GRIK1: variants seen among roughly 807,000 people sequenced by gnomAD.
GRIK1 encodes glutamate receptor ionotropic, kainate 1.
A neutral mutation model predicts 105.7 loss-of-function variants in GRIK1; 69 were observed. The ratio of observed to expected loss-of-function variants is 0.65; its 90% confidence interval spans 0.54 to 0.80. The LOEUF is 0.80. Ranked by LOEUF, GRIK1 falls within the 30% of genes least tolerant of loss-of-function variation. The probability of loss-of-function intolerance (pLI) is 0.00; values close to 1 mark genes in which losing one functional copy is unlikely to be tolerated. For synonymous variants in GRIK1, 438 were observed against 431.3 expected (o/e 1.02, Z -0.19); for missense variants, 1,109 against 1,167.3 (o/e 0.95, Z 0.73).
intron 4 of GRIK1, among the ~76,000 whole-genome samples, chr21:29,670,147 T>C (rs895113521): frequency 7.2e-5 from 11 of 152,186 alleles, no homozygotes; most frequent in South Asian, 4.1e-4. Context: ...AGGGTTCTTA[T>C]CTCCAAAATA....
intron 1 of GRIK1, among the ~76,000 whole-genome samples, chr21:29,846,735 T>C (rs1473336130): frequency 6.6e-6 from 1 of 152,196 alleles, no homozygotes; most frequent in Non-Finnish European, 1.5e-5. Flanking sequence ...CTTTTTGTTA[T>C]CCTGTTTGAT....
intron 2 of GRIK1, among the ~76,000 whole-genome samples, chr21:29,690,864 G>T (rs2063571870): frequency 3.9e-5 from 6 of 151,914 alleles, no homozygotes. Context: ...TTAATATTTG[G>T]GAAAATTAGA....
chr21:29,676,404 T>C (rs992559491), intron 3 of GRIK1, among the ~76,000 whole-genome samples: 1 of 152,232 alleles, frequency 6.6e-6, no homozygotes, highest in African/African-American at 2.4e-5. Context: ...GAATTTACAA[T>C]TCAAAAAGCA....
At position 29,696,867 on chromosome 21, in the gene GRIK1, G is replaced by C. The variant is rs369062993; in HGVS notation, c.119-2804C>G. ...TACCTGAATAGGAAACAGAAATTCTGAATTTTGAAACCTGATCTACCTACT... is the reference window on the plus strand; with the variant it reads ...TACCTGAATAGGAAACAGAAATTCTCAATTTTGAAACCTGATCTACCTACT... On this transcript the variant is annotated intron_variant, in intron 1 of 17. Coordinates refer to ENST00000327783, the MANE Select transcript of GRIK1 (RefSeq NM_001330994.2). Among the ~76,000 whole-genome samples the C allele has an allele frequency of 3.0e-3, 451 of 152,272 alleles. 2 individuals are homozygous for C. Among genetic ancestry groups the C allele is most frequent in the African/African-American group, 0.011 (440 of 41,562 alleles).
chr21:29,643,003 C>T lies in GRIK1; in HGVS notation c.955-34G>A, dbSNP rs778845114. 3.1e-6 allele frequency: 5 copies of T among 1,603,290 alleles called. No homozygotes were observed. In the Admixed American group the frequency reaches 6.7e-5, roughly 22 times the overall value. On this transcript the variant is annotated intron_variant, in intron 6 of 17. Transcript: ENST00000327783. ...GAAAACACACACCGCATCTTAAATTCCACTTTTGCTTACCTTCCTTTACTT... is the reference window on the plus strand; with the variant it reads ...GAAAACACACACCGCATCTTAAATTTCACTTTTGCTTACCTTCCTTTACTT...
chr21:29,555,347 A>T (rs2090225463), intron 15 of GRIK1, 45 bp from the exon 16 acceptor site: 1 of 1,559,160 alleles, frequency 6.4e-7, no homozygotes, highest in African/African-American at 1.4e-5. Flanking sequence ...AATGTTGAAG[A>T]AGACATCCAG....
At chr21:29,570,643 G>C (rs2090722129) in intron 14 of GRIK1, among the ~76,000 whole-genome samples, 1 of 152,124 alleles carries the variant, frequency 6.6e-6, no homozygotes, top group South Asian at 2.1e-4. Flanking sequence ...ATCTCCAACA[G>C]TACCTGAACA....
intron 1 of GRIK1, among the ~76,000 whole-genome samples, chr21:29,933,884 A>C (rs1602086935): frequency 6.6e-6 from 1 of 152,192 alleles, no homozygotes; most frequent in Non-Finnish European, 1.5e-5. Context: ...GGAAAATTTT[A>C]GAACATAAAT....
chr21:29,695,198 T>C (rs1202342455), intron 1 of GRIK1, among the ~76,000 whole-genome samples: 1 of 152,160 alleles, frequency 6.6e-6, no homozygotes, highest in Non-Finnish European at 1.5e-5. Context: ...GACATTGATG[T>C]TTGACAGAAA....
At chr21:29,722,094 G>A (rs1238676736) in intron 1 of GRIK1, among the ~76,000 whole-genome samples, 1 of 152,058 alleles carries the variant, frequency 6.6e-6, no homozygotes, top group Non-Finnish European at 1.5e-5. Flanking sequence ...ATAAATCTCT[G>A]ACCTTGGAAG....
At chr21:29,751,787 C>A (rs141695910) in intron 1 of GRIK1, among the ~76,000 whole-genome samples, 87 of 152,292 alleles carry the variant, frequency 5.7e-4, no homozygotes, top group African/African-American at 1.9e-3. Flanking sequence ...AGTAATCTGA[C>A]CAGTTTGTTA....
chr21:29,856,246 G>A (rs760894303), intron 1 of GRIK1, among the ~76,000 whole-genome samples: 6 of 152,148 alleles, frequency 3.9e-5, no homozygotes, highest in Non-Finnish European at 5.9e-5. Context: ...ACTGTGTGGA[G>A]GAAGATGAAC....
chr21:29,824,456 G>T (rs9983495), intron 1 of GRIK1, among the ~76,000 whole-genome samples: 18,102 of 151,910 alleles, frequency 0.12, 1,905 homozygotes, highest in African/African-American at 0.28. Context: ...TATAAAAAAA[G>T]TCAGATGGTG....
chr21:29,822,531 A>T (rs1241212511), intron 1 of GRIK1, among the ~76,000 whole-genome samples: 1 of 151,924 alleles, frequency 6.6e-6, no homozygotes, highest in African/African-American at 2.4e-5. Flanking sequence ...CTCATCCACA[A>T]CCCCTTGCAA....
chr21:29,931,916 G>C (rs1326933938), intron 1 of GRIK1, among the ~76,000 whole-genome samples: 1 of 152,062 alleles, frequency 6.6e-6, no homozygotes, highest in Non-Finnish European at 1.5e-5. Flanking sequence ...AATTTTTAAA[G>C]GGAAATAGTA....
chr21:29,809,442 G>A (rs1010485421), intron 1 of GRIK1, among the ~76,000 whole-genome samples: 108 of 152,298 alleles, frequency 7.1e-4, no homozygotes, highest in African/African-American at 2.3e-3. Context: ...ACTGTCACCT[G>A]AGCCTTCAGC....
chr21:29,768,665 A>G (rs1369847499), intron 1 of GRIK1, among the ~76,000 whole-genome samples: 1 of 152,208 alleles, frequency 6.6e-6, no homozygotes, highest in Non-Finnish European at 1.5e-5. Flanking sequence ...CCTGAACCCC[A>G]TGCTGCAGAT....
intron 16 of GRIK1, among the ~76,000 whole-genome samples, chr21:29,548,724 A>G (rs2090084016): frequency 6.6e-6 from 1 of 152,188 alleles, no homozygotes; most frequent in Non-Finnish European, 1.5e-5. Flanking sequence ...TACAGAACAT[A>G]ATATAATATC....
At chr21:29,793,281 G>C (rs1315716922) in intron 1 of GRIK1, among the ~76,000 whole-genome samples, 1 of 152,102 alleles carries the variant, frequency 6.6e-6, no homozygotes, top group African/African-American at 2.4e-5. Context: ...TTTTTTGTGT[G>C]TGTAATGTTT....
Sources: allele counts gnomAD v4.1 joint callset (sites outside exome capture counted in the v4.1 genomes callset), GRCh38; gene constraint gnomAD v4.1.1; transcripts MANE v1.5; gene names NCBI Gene and HGNC (gene_info 2026-07-23, HGNC 2026-07-21).